EIF4E3: variants seen among roughly 807,000 people sequenced by gnomAD.
EIF4E3 encodes the protein eukaryotic translation initiation factor 4E family member 3, also known as eukaryotic translation initiation factor 4E type 3.
Under a neutral mutation model 31.7 loss-of-function variants are expected in EIF4E3, and 26 were observed. The observed-to-expected ratio is 0.82, with a 90% CI of 0.60 to 1.14. EIF4E3 has a LOEUF of 1.14. Among genes scored for constraint, EIF4E3 ranks in the 50% most tolerant of loss-of-function variants. The pLI is 0.00. For missense variants in EIF4E3, 304 were observed against 270.9 expected (o/e 1.12, Z -0.86); for synonymous variants, 128 against 107.7 (o/e 1.19, Z -1.17).
Position 71,681,977 on chromosome 3 carries a change from C to A in EIF4E3, c.*2705G>T, listed in dbSNP as rs1472194545. The A allele has an allele frequency of 1.3e-5, 2 of 152,166 alleles. No homozygotes were observed. Among genetic ancestry groups the A allele is most frequent in the African/African-American group, 4.8e-5 (2 of 41,496 alleles). The allele number at this position is 152,166 out of a possible 1,614,324, so 9.4% of individuals were successfully genotyped here. A position where few individuals can be genotyped will look rare whatever the true frequency, so the allele number is the denominator to read the frequency against. On this transcript the variant is annotated 3_prime_UTR_variant, in exon 7 of 7. Transcript: ENST00000425534. ...ATGTACATGTTTGCAGTAAATTACACCCTCATTTAAGAAATGTGGAAAAGT... is the reference window on the plus strand; with the variant it reads ...ATGTACATGTTTGCAGTAAATTACAACCTCATTTAAGAAATGTGGAAAAGT...
chr3:71,726,205 G>T (rs1335666612), upstream of EIF4E3, among the ~76,000 whole-genome samples: 5 of 152,182 alleles, frequency 3.3e-5, no homozygotes, highest in African/African-American at 9.7e-5. Context: ...TTAACGTGTG[G>T]CTAACTTCAG....
At chr3:71,703,366 C>G (rs567192612) in intron 2 of EIF4E3, among the ~76,000 whole-genome samples, 10 of 152,324 alleles carry the variant, frequency 6.6e-5, no homozygotes, top group African/African-American at 2.2e-4. Context: ...AGTCTAATAC[C>G]TGGATTTAAG....
chr3:71,707,435 G>T lies in EIF4E3; in HGVS notation c.249+2977C>A, dbSNP rs532015035. 6.6e-5 allele frequency among the ~76,000 whole-genome samples: 10 copies of T among 152,290 alleles called. No individual in the cohort carries two copies. The East Asian group carries it at 1.9e-3, about 29-fold the overall frequency. Reference sequence around the variant, plus strand: ...AAAGCTGGCCACATCTGAGGGCTAAGTGCCAAGCATTACTAAGAACTATAT... The same window carrying T: ...AAAGCTGGCCACATCTGAGGGCTAATTGCCAAGCATTACTAAGAACTATAT... On this transcript the variant is annotated intron_variant, in intron 2 of 6. Coordinates refer to ENST00000425534, the MANE Select transcript of EIF4E3 (RefSeq NM_001134651.2).
the EIF4E3 span, among the ~76,000 whole-genome samples, chr3:71,661,952 C>A: frequency 2.0e-5 from 3 of 152,134 alleles, no homozygotes; most frequent in Non-Finnish European, 4.4e-5. Context: ...AGCTAAGTCA[C>A]CTTGGACAAG....
chr3:71,714,529 C>T (rs980730793), intron 1 of EIF4E3, among the ~76,000 whole-genome samples: 46 of 152,200 alleles, frequency 3.0e-4, no homozygotes, highest in Middle Eastern at 3.4e-3. Flanking sequence ...AAATACTTGG[C>T]GGGCCAGAGG....
chr3:71,696,311 A>G, intron 4 of EIF4E3, 149 bp downstream of exon 4: 1 of 742,418 alleles, frequency 1.3e-6, no homozygotes, highest in Non-Finnish European at 2.2e-6. Flanking sequence ...AAGGCAGAAA[A>G]TCATCAAGGT....
intron 1 of EIF4E3, among the ~76,000 whole-genome samples, chr3:71,713,015 A>C (rs1165548426): frequency 6.6e-6 from 1 of 152,110 alleles, no homozygotes; most frequent in Non-Finnish European, 1.5e-5. Flanking sequence ...TTTTTGAAGA[A>C]ATCACGTTTC....
intron 3 of EIF4E3, among the ~76,000 whole-genome samples, chr3:71,697,219 C>T (rs948348537): frequency 2.6e-5 from 4 of 152,062 alleles, no homozygotes; most frequent in African/African-American, 9.7e-5. Flanking sequence ...GTCTCTCTCA[C>T]TTTGCTGCTC....
chr3:71,675,293 A>G (rs780336988), downstream of EIF4E3: 1 of 152,244 alleles, frequency 6.6e-6, no homozygotes, highest in African/African-American at 2.4e-5. Flanking sequence ...TACATCAGTA[A>G]TTCTTTTTCA....
At chr3:71,732,401 A>AT (rs1415945331) in intron 1 of EIF4E3, among the ~76,000 whole-genome samples, 1 of 145,800 alleles carries the variant, frequency 6.9e-6, no homozygotes, top group Non-Finnish European at 1.5e-5. Flanking sequence ...CTCTTCCCTG[A>AT]TTTAAAAAAA....
intron 1 of EIF4E3, among the ~76,000 whole-genome samples, chr3:71,748,782 T>C (rs2654438): frequency 0.96 from 146,256 of 152,176 alleles, 70,568 homozygotes; most frequent in South Asian, 1. Context: ...CAGTATATTC[T>C]GAGAAAGCAA....
the EIF4E3 span, among the ~76,000 whole-genome samples, chr3:71,661,036 G>A: frequency 1.3e-5 from 2 of 152,034 alleles, no homozygotes; most frequent in African/African-American, 4.8e-5. Context: ...TCATCAACTT[G>A]TGAATTTTCC....
intron 1 of EIF4E3, among the ~76,000 whole-genome samples, chr3:71,752,685 T>C (rs186907401): frequency 3.1e-3 from 470 of 152,340 alleles, no homozygotes; most frequent in Non-Finnish European, 5.1e-3. Context: ...AGAGCCTAGT[T>C]AGAAGAGCAT....
Position 71,678,861 on chromosome 3 carries a change from G to C in EIF4E3, c.*5821C>G, listed in dbSNP as rs1258748940. On this transcript the variant is annotated 3_prime_UTR_variant, in exon 7 of 7. Coordinates refer to ENST00000425534, the MANE Select transcript of EIF4E3 (RefSeq NM_001134651.2). ...TTTAAATTTGGGACAAATAATGTTAGCTGTCTCAAGCTAAAGTATGCTCAC... is the reference window on the plus strand; with the variant it reads ...TTTAAATTTGGGACAAATAATGTTACCTGTCTCAAGCTAAAGTATGCTCAC... 2 of 152,152 alleles carry C rather than the reference G, an allele frequency of 1.3e-5. No homozygotes were observed. The highest frequency in any genetic ancestry group is 2.9e-5 in the Non-Finnish European group (2 of 68,022). The allele number at this position is 152,152 out of a possible 1,614,324, so 9.4% of individuals were successfully genotyped here.
chr3:71,744,805 A>G (rs1218465537), intron 1 of EIF4E3, among the ~76,000 whole-genome samples: 1 of 152,238 alleles, frequency 6.6e-6, no homozygotes, highest in Non-Finnish European at 1.5e-5. Flanking sequence ...ATATATGTAT[A>G]CCACTTGAAA....
downstream of EIF4E3, among the ~76,000 whole-genome samples, chr3:71,674,100 T>A: frequency 8.4e-6 from 1 of 118,782 alleles, no homozygotes; most frequent in East Asian, 2.3e-4. Context: ...CTTTTTTTTT[T>A]TTTTTTTTTT....
Position 71,677,584 on chromosome 3 carries a change from G to C in EIF4E3, c.*7098C>G, listed in dbSNP as rs947078570. 5.9e-5 allele frequency: 9 copies of C among 152,072 alleles called. No homozygotes were observed. Among genetic ancestry groups the C allele is most frequent in the African/African-American group, 2.2e-4 (9 of 41,412 alleles). 9.4% of individuals were successfully genotyped at this position (152,072 alleles called of 1,614,324 possible). A position where few individuals can be genotyped will look rare whatever the true frequency, so the allele number is the denominator to read the frequency against. On this transcript the variant is annotated 3_prime_UTR_variant, in exon 7 of 7. Transcript: ENST00000425534. ...AGTAATCAGATGCAAATATGAGAGG[G>C]AAACATTATGAAATTTTAAAGCCTT...
At chr3:71,660,613 C>G in the EIF4E3 span, among the ~76,000 whole-genome samples, 3 of 152,086 alleles carry the variant, frequency 2.0e-5, no homozygotes, top group Admixed American at 2.0e-4. Context: ...CATTATCTGC[C>G]AGGCCCACCG....
chr3:71,726,938 C>T (rs771207277), upstream of EIF4E3, among the ~76,000 whole-genome samples: 1 of 152,188 alleles, frequency 6.6e-6, no homozygotes, highest in South Asian at 2.1e-4. Context: ...GCTCTGAGCA[C>T]TTTACCCGTA....
Sources: allele counts gnomAD v4.1 joint callset (sites outside exome capture counted in the v4.1 genomes callset), GRCh38; gene constraint gnomAD v4.1.1; transcripts MANE v1.5; gene names NCBI Gene and HGNC (gene_info 2026-07-23, HGNC 2026-07-21).